GIPC2: variants seen among roughly 807,000 people sequenced by gnomAD.
GIPC2 encodes GIPC PDZ domain containing family member 2.
Under a neutral mutation model 30.6 loss-of-function variants are expected in GIPC2, and 30 were observed. The observed-to-expected ratio is 0.98, with a 90% CI of 0.73 to 1.33. The LOEUF (loss-of-function observed/expected upper bound fraction) is 1.33, where lower values mean the gene tolerates loss of function less well. Ranked by LOEUF, GIPC2 falls within the 40% of genes most tolerant of loss-of-function variation. The pLI, the probability that GIPC2 is intolerant of heterozygous loss-of-function variation, is 0.00. For synonymous variants in GIPC2, 167 were observed against 150.0 expected, an observed-to-expected ratio of 1.11 and a Z score of -0.83; for missense variants, 414 against 390.3, an observed-to-expected ratio of 1.06 and a Z score of -0.51.
intron 2 of GIPC2, among the ~76,000 whole-genome samples, chr1:78,093,849 T>G (rs2100374082): frequency 6.6e-6 from 1 of 152,286 alleles, no homozygotes; most frequent in South Asian, 2.1e-4. Flanking sequence ...GTGGAAGAAC[T>G]TGTACATCCT....
intron 3 of GIPC2, among the ~76,000 whole-genome samples, chr1:78,108,094 G>A (rs958171237): frequency 2.6e-5 from 4 of 152,070 alleles, no homozygotes; most frequent in Non-Finnish European, 5.9e-5. Context: ...TAATAAAGGT[G>A]AACAATAATT....
At chr1:78,085,553 CTT>C (rs761359001) in intron 2 of GIPC2, among the ~76,000 whole-genome samples, 12 of 131,336 alleles carry the variant, frequency 9.1e-5, no homozygotes, top group Non-Finnish European at 8.3e-5. Context: ...AGGTTCTAGG[CTT>C]TTTTTTTTTT....
intron 1 of GIPC2, among the ~76,000 whole-genome samples, chr1:78,075,768 A>G (rs1382925072): frequency 2.6e-5 from 4 of 152,164 alleles, no homozygotes; most frequent in African/African-American, 9.7e-5. Flanking sequence ...CTAAACCATC[A>G]CTTAGGCTAG....
chr1:78,047,483 A>T (rs1164746401), intron 1 of GIPC2, among the ~76,000 whole-genome samples: 1 of 152,154 alleles, frequency 6.6e-6, no homozygotes, highest in Non-Finnish European at 1.5e-5. Context: ...AATTATTTGT[A>T]TTGATATAGG....
chr1:78,115,398 C>G (rs191209110), intron 3 of GIPC2, among the ~76,000 whole-genome samples: 156 of 152,184 alleles, frequency 1.0e-3, no homozygotes, highest in African/African-American at 3.7e-3. Flanking sequence ...AAGTAGGTTG[C>G]TTGGTGAAAT....
chr1:78,112,705 C>T (rs1392979734), intron 3 of GIPC2, among the ~76,000 whole-genome samples: 1 of 152,178 alleles, frequency 6.6e-6, no homozygotes, highest in East Asian at 1.9e-4. Flanking sequence ...ACTTCTTTCC[C>T]TAGGGCCGAG....
At chr1:78,127,544 C>T (rs1662804488) in intron 5 of GIPC2, among the ~76,000 whole-genome samples, 2 of 152,302 alleles carry the variant, frequency 1.3e-5, no homozygotes, top group South Asian at 4.1e-4. Context: ...CTTAGTTTGG[C>T]TTAGTGAGTG....
At chr1:78,074,094 G>A (rs1661670442) in intron 1 of GIPC2, among the ~76,000 whole-genome samples, 1 of 152,130 alleles carries the variant, frequency 6.6e-6, no homozygotes, top group Non-Finnish European at 1.5e-5. Context: ...ATATTAAAAA[G>A]GAGCAAAATC....
chr1:78,105,963 C>A (rs754140651), intron 3 of GIPC2, among the ~76,000 whole-genome samples: 1 of 151,888 alleles, frequency 6.6e-6, no homozygotes, highest in African/African-American at 2.4e-5. Context: ...AGGCTGGGCG[C>A]GGTGGCTCAT....
chr1:78,108,904 A>G (rs1333215928), intron 3 of GIPC2, among the ~76,000 whole-genome samples: 1 of 152,180 alleles, frequency 6.6e-6, no homozygotes, highest in Non-Finnish European at 1.5e-5. Flanking sequence ...GGTAAACCCT[A>G]CTAAACTGGC....
Position 78,046,256 on chromosome 1 carries a change from G to C in GIPC2, c.162G>C (p.Thr54=). 6.2e-7 allele frequency: 1 copy of C among 1,610,800 alleles called. No individual in the cohort carries two copies. ...CGCAGCTGGCGCACGGTAGTGCCACGGGCCGAGTGGAGGGCTTCTCCAGCA... is the reference window on the plus strand; with the variant it reads ...CGCAGCTGGCGCACGGTAGTGCCACCGGCCGAGTGGAGGGCTTCTCCAGCA... ...FHAQLAHGSA[T]GRVEGFSSIQ... Residue 54 remains threonine, a synonymous_variant, in exon 1 of 6, where the codon ACG becomes ACC. Transcript: ENST00000370759.
At chr1:78,076,119 T>A (rs931281026) in intron 1 of GIPC2, among the ~76,000 whole-genome samples, 1 of 152,238 alleles carries the variant, frequency 6.6e-6, no homozygotes, top group Non-Finnish European at 1.5e-5. Flanking sequence ...ATTCTTGGAT[T>A]TTCTTGGCCT....
intron 1 of GIPC2, among the ~76,000 whole-genome samples, chr1:78,048,110 G>T (rs184748805): frequency 6.6e-6 from 1 of 152,090 alleles, no homozygotes; most frequent in African/African-American, 2.4e-5. Flanking sequence ...GTTTATTGGG[G>T]TATTAAATGC....
chr1:78,093,540 T>A (rs1662081256), intron 2 of GIPC2, among the ~76,000 whole-genome samples: 1 of 152,232 alleles, frequency 6.6e-6, no homozygotes. Context: ...GAGTTTTGAT[T>A]TATAATAATG....
At chr1:78,091,510 A>C (rs1662037761) in intron 2 of GIPC2, 4 of 728,032 alleles carry the variant, frequency 5.5e-6, no homozygotes, top group Non-Finnish European at 1.0e-5. Context: ...TGGCTCCCAA[A>C]GGCAGCTCCA....
At chr1:78,069,489 T>A (rs1357446691) in intron 1 of GIPC2, among the ~76,000 whole-genome samples, 3 of 150,672 alleles carry the variant, frequency 2.0e-5, no homozygotes, top group Non-Finnish European at 4.4e-5. Context: ...TTTTTTTTTT[T>A]TTTTTTGAGA....
At chr1:78,089,577 C>A (rs1661998418) in intron 2 of GIPC2, among the ~76,000 whole-genome samples, 1 of 152,090 alleles carries the variant, frequency 6.6e-6, no homozygotes, top group South Asian at 2.1e-4. Context: ...TTGAGCAGGG[C>A]TCAAGTGATC....
At chr1:78,121,097 A>T (rs1023867059) in intron 4 of GIPC2, among the ~76,000 whole-genome samples, 1 of 152,326 alleles carries the variant, frequency 6.6e-6, no homozygotes, top group African/African-American at 2.4e-5. Context: ...CCTTTGAATG[A>T]CTTTGTCTAT....
At chr1:78,117,068 C>T (rs1460953465) in intron 3 of GIPC2, among the ~76,000 whole-genome samples, 1 of 152,158 alleles carries the variant, frequency 6.6e-6, no homozygotes, top group Non-Finnish European at 1.5e-5. Context: ...GATGGTATCT[C>T]ATGGTGAGAA....
Sources: allele counts gnomAD v4.1 joint callset (sites outside exome capture counted in the v4.1 genomes callset), GRCh38; gene constraint gnomAD v4.1.1; transcripts MANE v1.5; gene names NCBI Gene and HGNC (gene_info 2026-07-23, HGNC 2026-07-21).